TMPRSS13: variants seen among roughly 807,000 people sequenced by gnomAD.
TMPRSS13 encodes transmembrane protease serine 13.
In TMPRSS13, 50 loss-of-function variants were observed where a neutral mutation model predicts 68.4. That is an observed-to-expected ratio of 0.73 (90% CI 0.58 to 0.93). TMPRSS13 has a LOEUF of 0.93. Ranked by LOEUF, TMPRSS13 falls within the 40% of genes least tolerant of loss-of-function variation. The pLI, the probability that TMPRSS13 is intolerant of heterozygous loss-of-function variation, is 0.00. For synonymous variants in TMPRSS13, 267 were observed against 285.8 expected (o/e 0.93, Z 0.66); for missense variants, 615 against 729.2 (o/e 0.84, Z 1.80).
At position 117,902,235 on chromosome 11, in the gene TMPRSS13, C is replaced by A. The variant is rs774290037; in HGVS notation, c.*4G>T. ...GGTGCTGTGCAGAGCAGCAGGCCAG[C>A]TGGTTAGGATTTTCTGAATCGCACC... On this transcript the variant is annotated 3_prime_UTR_variant, in exon 13 of 13. Transcript: ENST00000524993. 1.2e-6 allele frequency: 2 copies of A among 1,613,246 alleles called. No homozygotes were observed. The highest frequency in any genetic ancestry group is 2.7e-5 in the African/African-American group (2 of 74,914).
chr11:117,909,987 C>T lies in TMPRSS13; in HGVS notation c.947-19G>A, dbSNP rs181795757. 1,891 of 1,609,218 alleles carry T rather than the reference C, an allele frequency of 1.2e-3. 29 individuals are homozygous for T. In the Admixed American group the frequency reaches 0.027, roughly 23 times the overall value. ...CCGCAGTCTGGAGGGAAGGAGTAGA[C>T]GTACTGTGAACCCTGTTTCTCCCAG... On this transcript the variant is annotated intron_variant, in intron 7 of 12. Transcript: ENST00000524993.
At chr11:117,903,934 G>A in intron 11 of TMPRSS13, 25 bp downstream of exon 11, 4 of 1,607,700 alleles carry the variant, frequency 2.5e-6, no homozygotes, top group Non-Finnish European at 3.4e-6. Flanking sequence ...GCTGGGACCT[G>A]AGCCCCACCC....
At chr11:117,903,586 T>A in intron 12 of TMPRSS13, 69 bp downstream of exon 12, 10 of 1,609,446 alleles carry the variant, frequency 6.2e-6, no homozygotes, top group Non-Finnish European at 7.6e-6. Context: ...ACCTGGGTGC[T>A]CCTCCAGGGT....
chr11:117,924,126 T>A (rs1191223481), intron 1 of TMPRSS13, among the ~76,000 whole-genome samples: 1 of 132,952 alleles, frequency 7.5e-6, no homozygotes, highest in Non-Finnish European at 1.7e-5. Flanking sequence ...GGAAAATGGC[T>A]TGAGGCCAGA....
chr11:117,913,654 T>G, intron 5 of TMPRSS13, 123 bp downstream of exon 5: 100 of 1,268,544 alleles, frequency 7.9e-5, no homozygotes, highest in Non-Finnish European at 9.8e-5. Flanking sequence ...CCAGAGCTAG[T>G]GAGATCAGCC....
chr11:117,923,699 G>A (rs566303258), intron 1 of TMPRSS13, among the ~76,000 whole-genome samples: 27 of 152,050 alleles, frequency 1.8e-4, no homozygotes, highest in East Asian at 7.7e-4. Context: ...GTGGGGAGAC[G>A]GGGGAGGGAT....
chr11:117,924,122 T>C (rs549032772), intron 1 of TMPRSS13, among the ~76,000 whole-genome samples: 12 of 132,832 alleles, frequency 9.0e-5, no homozygotes, highest in Non-Finnish European at 2.0e-4. Flanking sequence ...GGTGGGAAAA[T>C]GGCTTGAGGC....
rs2057525256 is a variant in TMPRSS13 at position 117,911,767 on chromosome 11, C to T, written c.902+1G>A. The T allele has an allele frequency of 6.2e-7, 1 of 1,613,716 alleles. No homozygotes were observed. The highest frequency in any genetic ancestry group is 8.5e-7 in the Non-Finnish European group (1 of 1,179,806). The stretch of plus-strand genomic sequence containing the variant: ...CAGGCAGCCTGCCTGCCCCACCATA[C>T]CTGTGGAGGCTTTCCTGGATGGTGG... On this transcript the variant is annotated splice_donor_variant, in intron 6 of 12. Coordinates refer to ENST00000524993, the MANE Select transcript of TMPRSS13 (RefSeq NM_001077263.3). LOFTEE classifies it high-confidence loss of function.
rs2057414547 is a variant in TMPRSS13 at position 117,902,089 on chromosome 11, C to T, written c.*150G>A. On this transcript the variant is annotated 3_prime_UTR_variant, in exon 13 of 13. Coordinates refer to ENST00000524993, the MANE Select transcript of TMPRSS13 (RefSeq NM_001077263.3). ...ACACATATGCACACACACACACACA[C>T]ACACACACACACACAGAGGCAGCAG... The T allele has an allele frequency of 1.2e-6, 1 of 822,496 alleles. No individual in the cohort carries two copies. The highest frequency in any genetic ancestry group is 2.0e-6 in the Non-Finnish European group (1 of 502,518). 50.9% of individuals were successfully genotyped at this position (822,496 alleles called of 1,614,324 possible). A position where few individuals can be genotyped will look rare whatever the true frequency, so the allele number is the denominator to read the frequency against.
chr11:117,921,756 G>A (rs11216624), intron 1 of TMPRSS13, among the ~76,000 whole-genome samples: 15,538 of 152,210 alleles, frequency 0.1, 827 homozygotes, highest in East Asian at 0.15. Flanking sequence ...TCAGAGCCTG[G>A]GAGGCAGGTG....
Position 117,903,230 on chromosome 11 carries a change from A to G in TMPRSS13, c.1677+425T>C, listed in dbSNP as rs1286582317. 2.3e-5 allele frequency: 31 copies of G among 1,344,086 alleles called. No individual in the cohort carries two copies. In the South Asian group the frequency reaches 4.9e-4, roughly 21 times the overall value. 83.3% of individuals were successfully genotyped at this position (1,344,086 alleles called of 1,614,324 possible). On this transcript the variant is annotated intron_variant, in intron 12 of 12. Transcript: ENST00000524993. ...AAAAGACAACAACAACAACAAAAAG[A>G]AAATCAAAAAGACTAAAACAAACAG...
chr11:117,905,990 T>C (rs1441995802), intron 9 of TMPRSS13, among the ~76,000 whole-genome samples: 1 of 152,222 alleles, frequency 6.6e-6, no homozygotes, highest in African/African-American at 2.4e-5. Context: ...GTGGTTGCCC[T>C]GTGGTCAGAT....
At chr11:117,913,719 C>G (rs11605749) in intron 5 of TMPRSS13, 58 bp downstream of exon 5, 464,334 of 1,593,112 alleles carry the variant, frequency 0.29, 70,526 homozygotes, top group Middle Eastern at 0.3. Flanking sequence ...TTGAGACACC[C>G]TATGAAGAGC....
At chr11:117,927,223 G>A (rs769011796) in intron 1 of TMPRSS13, among the ~76,000 whole-genome samples, 2 of 152,166 alleles carry the variant, frequency 1.3e-5, no homozygotes, top group African/African-American at 2.4e-5. Flanking sequence ...CTCCGACCAC[G>A]CAGCTGTGTG....
intron 5 of TMPRSS13, 69 bp downstream of exon 5, chr11:117,913,708 C>G: frequency 6.4e-7 from 1 of 1,572,036 alleles, no homozygotes; most frequent in Non-Finnish European, 8.6e-7. Context: ...CTGCAACATG[C>G]TTGAGACACC....
chr11:117,920,794 G>T (rs1427636516), intron 1 of TMPRSS13, among the ~76,000 whole-genome samples: 1 of 152,164 alleles, frequency 6.6e-6, no homozygotes. Flanking sequence ...ACACCCAGCC[G>T]ATAGTGGGGT....
At chr11:117,907,032 C>G (rs1272742702) in intron 9 of TMPRSS13, among the ~76,000 whole-genome samples, 1 of 151,822 alleles carries the variant, frequency 6.6e-6, no homozygotes, top group Admixed American at 6.6e-5. Flanking sequence ...GAGACTATTA[C>G]GTTTGAAAAG....
chr11:117,903,286 C>T, intron 12 of TMPRSS13: 1 of 1,292,218 alleles, frequency 7.7e-7, no homozygotes. Context: ...AGCGGATTCC[C>T]ATGCATAAAT....
rs139187517 is a variant in TMPRSS13 at position 117,912,315 on chromosome 11, C to A, written c.810-455G>T. Among the ~76,000 whole-genome samples, 569 of 152,250 alleles carry A rather than the reference C, an allele frequency of 3.7e-3. 4 individuals carry two copies. The highest frequency in any genetic ancestry group is 6.5e-3 in the Admixed American group (99 of 15,302). ...TCTGTGAATAAGCAGCAGCAGCAAC[C>A]CCCCCAGACCTACTGAATAAGAATC... On this transcript the variant is annotated intron_variant, in intron 5 of 12. Coordinates refer to ENST00000524993, the MANE Select transcript of TMPRSS13 (RefSeq NM_001077263.3).
Sources: gnomAD v4.1 joint callset for allele counts (sites outside exome capture counted in the v4.1 genomes callset) on GRCh38, gnomAD v4.1.1 for gene constraint, MANE v1.5 for transcripts, NCBI Gene and HGNC (gene_info 2026-07-23, HGNC 2026-07-21) for gene names.